ERCC6L2: variants seen among roughly 807,000 people sequenced by gnomAD.
The protein encoded by ERCC6L2 is DNA excision repair protein ERCC-6-like 2.
A neutral mutation model predicts 132.0 loss-of-function variants in ERCC6L2; 77 were observed. The observed-to-expected ratio is 0.58, with a 90% CI of 0.49 to 0.71. ERCC6L2 has a LOEUF of 0.71. Ranked by LOEUF, ERCC6L2 falls within the 30% of genes least tolerant of loss-of-function variation. ERCC6L2 has a pLI of 0.00. For missense variants in ERCC6L2, 1,542 were observed against 1,837.6 expected, an observed-to-expected ratio of 0.84 and a Z score of 2.94; for synonymous variants, 583 against 632.4, an observed-to-expected ratio of 0.92 and a Z score of 1.17.
At position 96,015,015 on chromosome 9, in the gene ERCC6L2, GTTTTTTTT is replaced by G. The variant is rs767745101; in HGVS notation, c.*1830_*1837del. Among the ~76,000 whole-genome samples the G allele has an allele frequency of 7.6e-5, 5 of 65,430 alleles. No individual in the cohort carries two copies. Among genetic ancestry groups the G allele is most frequent in the African/African-American group, 1.3e-4 (2 of 15,900 alleles). The allele number at this position is 65,430 out of a possible 152,430, so 42.9% of individuals were successfully genotyped here. On this transcript the variant is annotated 3_prime_UTR_variant, in exon 19 of 19. Coordinates refer to ENST00000653738, the MANE Select transcript of ERCC6L2 (RefSeq NM_020207.7). ...GCTCTATAGTCTTCATATATGTACA[GTTTTTTTT>G]TTTTTTTTTTTTTTTTTGAGATTGA...
intron 12 of ERCC6L2, among the ~76,000 whole-genome samples, chr9:95,947,530 T>A (rs1432272246): frequency 6.6e-6 from 1 of 152,222 alleles, no homozygotes; most frequent in Non-Finnish European, 1.5e-5. Context: ...AAGATCTAGC[T>A]AAGATCATTG....
intron 6 of ERCC6L2, among the ~76,000 whole-genome samples, chr9:95,919,604 G>A (rs1231827446): frequency 6.6e-6 from 1 of 152,170 alleles, no homozygotes; most frequent in African/African-American, 2.4e-5. Context: ...CAATGCTGTG[G>A]AGAAGAACCC....
intron 7 of ERCC6L2, 30 bp downstream of exon 7, chr9:95,921,345 T>G: frequency 6.3e-7 from 1 of 1,577,044 alleles, no homozygotes; most frequent in Non-Finnish European, 8.7e-7. Context: ...TTTATAATCA[T>G]GCTTTTGATT....
At chr9:95,906,071 GA>G (rs758568229) in intron 3 of ERCC6L2, among the ~76,000 whole-genome samples, 2 of 152,118 alleles carry the variant, frequency 1.3e-5, no homozygotes, top group Non-Finnish European at 2.9e-5. Flanking sequence ...TGAATGTGAG[GA>G]ATAACCAGAG....
intron 8 of ERCC6L2, among the ~76,000 whole-genome samples, chr9:95,923,006 A>T (rs1829943203): frequency 6.6e-6 from 1 of 152,196 alleles, no homozygotes; most frequent in Non-Finnish European, 1.5e-5. Context: ...GGGAGTATTT[A>T]GCACCTTGTT....
intron 12 of ERCC6L2, among the ~76,000 whole-genome samples, chr9:95,949,315 A>G (rs1831216134): frequency 2.0e-5 from 3 of 152,232 alleles, no homozygotes; most frequent in Non-Finnish European, 4.4e-5. Flanking sequence ...AAAGCTCTCC[A>G]AATTTGAGGG....
At chr9:96,038,594 G>A (rs1232234348) in intron 19 of ERCC6L2, among the ~76,000 whole-genome samples, 1 of 152,226 alleles carries the variant, frequency 6.6e-6, no homozygotes, top group Non-Finnish European at 1.5e-5. Flanking sequence ...CCCTGCCCAG[G>A]GGCAGAAGCA....
rs1056668586 is a variant in ERCC6L2 at position 95,972,364 on chromosome 9, A to G, written c.2613A>G (p.Glu871=). The change falls in exon 16 of 19, where the codon GAA becomes GAG. Residue 871 remains glutamate (E), a synonymous_variant. Coordinates refer to ENST00000653738, the MANE Select transcript of ERCC6L2 (RefSeq NM_020207.7). The stretch of plus-strand genomic sequence containing the variant: ...TTTATAAAAGTGAGAAGATTTTAGA[A>G]CAGAATATTTCTTCCAAGTCTGACG... ...HIFYKSEKIL[E]QNISSKSDEK... 6.2e-6 allele frequency: 8 copies of G among 1,283,262 alleles called. No homozygotes were observed. Among genetic ancestry groups the G allele is most frequent in the South Asian group, 2.6e-5 (2 of 77,486 alleles). The allele number at this position is 1,283,262 out of a possible 1,614,324, so 79.5% of individuals were successfully genotyped here.
chr9:95,940,106 C>T (rs1830730590), intron 11 of ERCC6L2, among the ~76,000 whole-genome samples: 1 of 152,152 alleles, frequency 6.6e-6, no homozygotes, highest in Non-Finnish European at 1.5e-5. Context: ...TAGCTCTTCA[C>T]TCAGTCTTCT....
chr9:96,010,385 A>G (rs1833988347), intron 18 of ERCC6L2, among the ~76,000 whole-genome samples: 2 of 152,246 alleles, frequency 1.3e-5, no homozygotes. Context: ...CGTGGCAGAA[A>G]GAAAAGTGGC....
intron 19 of ERCC6L2, among the ~76,000 whole-genome samples, chr9:96,030,846 C>T (rs1419176564): frequency 6.6e-6 from 1 of 152,180 alleles, no homozygotes; most frequent in Admixed American, 6.5e-5. Flanking sequence ...CTCATGTATT[C>T]AAGCCATCCG....
rs570255305 is a variant in ERCC6L2, at chr9:95,931,822, G to A, written c.1751+2958G>A. Among the ~76,000 whole-genome samples, 168 of 151,970 alleles carry A rather than the reference G, an allele frequency of 1.1e-3. 1 individual carries two copies. The highest frequency in any genetic ancestry group is 0.011 in the Admixed American group (163 of 15,264). On this transcript the variant is annotated intron_variant, in intron 11 of 18. Coordinates refer to ENST00000653738, the MANE Select transcript of ERCC6L2 (RefSeq NM_020207.7). The stretch of plus-strand genomic sequence containing the variant: ...TCATTTTTTTGTGCTGGGTACAGTA[G>A]GCTTGTATTCTGAAGGCTTATGTTC...
intron 12 of ERCC6L2, among the ~76,000 whole-genome samples, chr9:95,952,964 T>C (rs1435627494): frequency 1.3e-5 from 2 of 152,160 alleles, no homozygotes; most frequent in Non-Finnish European, 2.9e-5. Context: ...GAAGAATGGA[T>C]ACCTGTTTTT....
chr9:96,004,772 T>A lies in ERCC6L2; in HGVS notation c.3674+71T>A, dbSNP rs1289711246. The A allele has an allele frequency of 3.1e-6, 3 of 967,828 alleles. No homozygotes were observed. In the East Asian group the frequency reaches 1.8e-4, roughly 59 times the overall value. 60.0% of individuals were successfully genotyped at this position (967,828 alleles called of 1,614,324 possible). A position where few individuals can be genotyped will look rare whatever the true frequency, so the allele number is the denominator to read the frequency against. On this transcript the variant is annotated intron_variant, in intron 18 of 18. Transcript: ENST00000653738. Reference sequence around the variant, plus strand: ...GGAAATGTAGCTCATTAGTAAAATATGTAAATACTTGAATTATAACCATAA... The same window carrying A: ...GGAAATGTAGCTCATTAGTAAAATAAGTAAATACTTGAATTATAACCATAA...
At chr9:95,913,007 A>T (rs1211223876) in intron 4 of ERCC6L2, among the ~76,000 whole-genome samples, 1 of 152,202 alleles carries the variant, frequency 6.6e-6, no homozygotes, top group East Asian at 1.9e-4. Context: ...ACTGTCAGTG[A>T]TGCCAAGTTT....
At chr9:95,876,386 G>A (rs1827270780) in intron 1 of ERCC6L2, 1 of 356,812 alleles carries the variant, frequency 2.8e-6, no homozygotes, top group Non-Finnish European at 5.1e-6. Context: ...ATTAAATGAC[G>A]TGGGGAATAC....
intron 17 of ERCC6L2, among the ~76,000 whole-genome samples, chr9:96,004,245 G>A (rs555036142): frequency 6.6e-6 from 1 of 152,102 alleles, no homozygotes; most frequent in South Asian, 2.1e-4. Flanking sequence ...TGGTATAGTA[G>A]GTATCAACGT....
At chr9:95,955,176 A>G (rs760386048) in intron 12 of ERCC6L2, among the ~76,000 whole-genome samples, 45 of 152,176 alleles carry the variant, frequency 3.0e-4, no homozygotes, top group Non-Finnish European at 4.1e-4. Flanking sequence ...AATTAGCACT[A>G]TGGTCTGTAT....
rs757966707 is a variant in ERCC6L2, at chr9:95,928,153, G to A, written c.1605+3G>A. ...TTCTCTTTTCTTTTTCCACCAAGGT[G>A]AGTTCATCTAAAGTATATCCTTGAT... is the stretch of plus-strand genomic sequence containing the variant. On this transcript the variant is annotated splice_donor_region_variant and intron_variant, in intron 10 of 18. Transcript: ENST00000653738. 1.2e-6 allele frequency: 2 copies of A among 1,605,828 alleles called. No individual in the cohort carries two copies. The highest frequency in any genetic ancestry group is 1.1e-5 in the South Asian group (1 of 90,830).
Sources: gnomAD v4.1 joint callset for allele counts (sites outside exome capture counted in the v4.1 genomes callset) on GRCh38, gnomAD v4.1.1 for gene constraint, MANE v1.5 for transcripts, NCBI Gene and HGNC (gene_info 2026-07-23, HGNC 2026-07-21) for gene names.